The following PPP2R2C variants were observed in gnomAD, a reference collection of about 807,000 sequenced individuals.
PPP2R2C encodes protein phosphatase 2, regulatory subunit B, gamma.
Under a neutral mutation model 45.3 loss-of-function variants are expected in PPP2R2C, and 10 were observed. The ratio of observed to expected loss-of-function variants is 0.22; its 90% confidence interval spans 0.14 to 0.37. The LOEUF is 0.37. Ranked by LOEUF, PPP2R2C falls within the 10% of genes least tolerant of loss-of-function variation. PPP2R2C has a pLI of 1.00. For missense variants in PPP2R2C, 308 were observed against 619.7 expected (o/e 0.50, Z 5.34); for synonymous variants, 257 against 245.4 (o/e 1.05, Z -0.44).
intron 5 of PPP2R2C, chr4:6,349,795 G>C (rs954808458): frequency 1.2e-6 from 1 of 831,808 alleles, no homozygotes; most frequent in African/African-American, 1.9e-5. Flanking sequence ...GGAGGCTGAG[G>C]CAGGGGAATC....
chr4:6,510,924 C>T (rs535246950), intron 2 of PPP2R2C, among the ~76,000 whole-genome samples: 1 of 144,324 alleles, frequency 6.9e-6, no homozygotes, highest in South Asian at 2.2e-4. Flanking sequence ...TTGCAGTGAG[C>T]CAAGATCACA....
intron 1 of PPP2R2C, chr4:6,535,450 T>G (rs1215365604): frequency 9.7e-7 from 1 of 1,025,858 alleles, no homozygotes; most frequent in Non-Finnish European, 1.4e-6. Flanking sequence ...ACACACCACA[T>G]GCAACGCGAG....
intron 1 of PPP2R2C, among the ~76,000 whole-genome samples, chr4:6,393,205 A>G (rs933426479): frequency 6.6e-6 from 1 of 152,020 alleles, no homozygotes; most frequent in Non-Finnish European, 1.5e-5. Flanking sequence ...CACCACCCCA[A>G]AAAGAAACCC....
chr4:6,442,551 G>A (rs1304803240), intron 1 of PPP2R2C, among the ~76,000 whole-genome samples: 1 of 152,226 alleles, frequency 6.6e-6, no homozygotes, highest in Non-Finnish European at 1.5e-5. Flanking sequence ...CCCAAGGGCT[G>A]GGAGAGGCGA....
intron 2 of PPP2R2C, among the ~76,000 whole-genome samples, chr4:6,521,058 C>T (rs1327417898): frequency 1.3e-5 from 2 of 152,192 alleles, no homozygotes; most frequent in Admixed American, 6.5e-5. Context: ...GTCTGAAATG[C>T]ACAAGGCTTG....
At chr4:6,421,865 T>TAA (rs1211694654) in intron 1 of PPP2R2C, among the ~76,000 whole-genome samples, 1 of 152,186 alleles carries the variant, frequency 6.6e-6, no homozygotes, top group Non-Finnish European at 1.5e-5. Flanking sequence ...CAGGTCTGCT[T>TAA]ACCTTCAATA....
intron 5 of PPP2R2C, 26 bp from the exon 6 acceptor site, chr4:6,348,036 G>A (rs1577090618): frequency 3.1e-6 from 5 of 1,606,958 alleles, no homozygotes; most frequent in Non-Finnish European, 4.3e-6. Flanking sequence ...TCAAGGAAGG[G>A]GCAGTGAAGG....
intron 1 of PPP2R2C, among the ~76,000 whole-genome samples, chr4:6,543,415 G>T (rs1313373621): frequency 6.6e-6 from 1 of 152,064 alleles, no homozygotes; most frequent in Non-Finnish European, 1.5e-5. Context: ...AAATGGCAAT[G>T]GTTAAAAAAA....
rs1278172159 is a variant in PPP2R2C at position 6,384,783 on chromosome 4, T to C, written c.71-3689A>G. On this transcript the variant is annotated intron_variant, in intron 1 of 8. Coordinates refer to ENST00000382599, the MANE Select transcript of PPP2R2C (RefSeq NM_020416.4). The stretch of plus-strand genomic sequence containing the variant: ...TCACGCCAGCCCCTGCGGGAGACAC[T>C]ACTGTGATTTCCATTTGGCAGCAGA... 6 of 985,366 alleles carry C rather than the reference T, an allele frequency of 6.1e-6. No individual in the cohort carries two copies. In the East Asian group the frequency reaches 5.7e-4, roughly 93 times the overall value. 61.0% of individuals were successfully genotyped at this position (985,366 alleles called of 1,614,324 possible).
At chr4:6,551,056 C>G (rs964266730) in intron 1 of PPP2R2C, among the ~76,000 whole-genome samples, 5 of 152,208 alleles carry the variant, frequency 3.3e-5, no homozygotes, top group Non-Finnish European at 5.9e-5. Context: ...ATGCACAAGC[C>G]TCTCCAGTTA....
intron 1 of PPP2R2C, among the ~76,000 whole-genome samples, chr4:6,410,853 ATTTAT>A (rs901495136): frequency 6.4e-5 from 9 of 140,746 alleles, no homozygotes; most frequent in African/African-American, 2.7e-4. Flanking sequence ...TTATTTATTT[ATTTAT>A]TTATTTATTT....
intron 1 of PPP2R2C, among the ~76,000 whole-genome samples, chr4:6,562,987 C>T (rs954729609): frequency 3.4e-5 from 5 of 148,046 alleles, no homozygotes; most frequent in East Asian, 2.1e-4. Context: ...AAGGCTTCTC[C>T]AAACCAGAGC....
upstream of PPP2R2C, among the ~76,000 whole-genome samples, chr4:6,477,118 G>A (rs561607129): frequency 6.6e-6 from 1 of 152,280 alleles, no homozygotes; most frequent in Admixed American, 6.5e-5. Flanking sequence ...AGCCAGGCAT[G>A]GTGGTGCATG....
intron 5 of PPP2R2C, among the ~76,000 whole-genome samples, chr4:6,355,939 A>G (rs973757735): frequency 7.1e-5 from 10 of 141,334 alleles, no homozygotes; most frequent in African/African-American, 2.1e-4. Flanking sequence ...GGTTGCAGTG[A>G]GCTGAGATCG....
intron 4 of PPP2R2C, among the ~76,000 whole-genome samples, chr4:6,374,111 G>A (rs755940372): frequency 6.6e-6 from 1 of 152,036 alleles, no homozygotes; most frequent in African/African-American, 2.4e-5. Flanking sequence ...CCCTTCCTTC[G>A]GGGTGCAGCC....
intron 1 of PPP2R2C, among the ~76,000 whole-genome samples, chr4:6,387,679 G>T (rs1219528053): frequency 6.6e-6 from 1 of 152,082 alleles, no homozygotes; most frequent in Non-Finnish European, 1.5e-5. Flanking sequence ...CGGGCATGGT[G>T]GCGGGCGCCT....
intron 2 of PPP2R2C, among the ~76,000 whole-genome samples, chr4:6,514,447 G>C (rs1038306935): frequency 6.6e-5 from 10 of 152,194 alleles, no homozygotes; most frequent in Non-Finnish European, 1.3e-4. Flanking sequence ...GATGTGACCT[G>C]GCTGGCTCAA....
intron 2 of PPP2R2C, among the ~76,000 whole-genome samples, chr4:6,491,327 G>C (rs971511858): frequency 6.6e-6 from 1 of 152,186 alleles, no homozygotes; most frequent in African/African-American, 2.4e-5. Context: ...GCTGGCCAAT[G>C]AGCTTCTGCA....
intron 2 of PPP2R2C, among the ~76,000 whole-genome samples, chr4:6,510,922 A>C (rs975831203): frequency 8.0e-5 from 12 of 150,020 alleles, no homozygotes; most frequent in African/African-American, 2.7e-4. Context: ...GGTTGCAGTG[A>C]GCCAAGATCA....
Sources: gnomAD v4.1 joint callset for allele counts (sites outside exome capture counted in the v4.1 genomes callset) on GRCh38, gnomAD v4.1.1 for gene constraint, MANE v1.5 for transcripts, NCBI Gene and HGNC (gene_info 2026-07-23, HGNC 2026-07-21) for gene names.